Variants in DCLK1 observed in about 807,000 individuals in gnomAD.
DCLK1 encodes the protein doublecortin like kinase 1.
A neutral mutation model predicts 86.2 loss-of-function variants in DCLK1; 16 were observed. That is an observed-to-expected ratio of 0.19 (90% CI 0.13 to 0.28). The LOEUF (loss-of-function observed/expected upper bound fraction) is 0.28. DCLK1 is among the 10% of genes least tolerant of loss of function. DCLK1 has a pLI of 1.00. For synonymous variants in DCLK1, 369 were observed against 370.5 expected, an observed-to-expected ratio of 1.00 and a Z score of 0.05; for missense variants, 590 against 940.2, an observed-to-expected ratio of 0.63 and a Z score of 4.87.
chr13:36,026,920 T>C (rs1011706253), intron 3 of DCLK1, among the ~76,000 whole-genome samples: 1 of 152,172 alleles, frequency 6.6e-6, no homozygotes, highest in Non-Finnish European at 1.5e-5. Flanking sequence ...ACAAGGTATA[T>C]TGATATAGAG....
intron 3 of DCLK1, among the ~76,000 whole-genome samples, chr13:36,022,625 G>T (rs1377114307): frequency 6.6e-6 from 1 of 152,200 alleles, no homozygotes; most frequent in East Asian, 1.9e-4. Context: ...GATTAAAAGG[G>T]AAAACTAACA....
intron 16 of DCLK1, among the ~76,000 whole-genome samples, chr13:35,780,935 A>C (rs1373096721): frequency 6.6e-6 from 1 of 152,250 alleles, no homozygotes; most frequent in Non-Finnish European, 1.5e-5. Context: ...ATTTATTCCC[A>C]TAAAGGATAC....
intron 4 of DCLK1, among the ~76,000 whole-genome samples, chr13:35,935,103 T>C (rs1468422643): frequency 6.6e-6 from 1 of 152,092 alleles, no homozygotes; most frequent in African/African-American, 2.4e-5. Flanking sequence ...AAAAAGAGCA[T>C]TCCACATGAA....
intron 16 of DCLK1, among the ~76,000 whole-genome samples, chr13:35,785,865 A>G (rs573586822): frequency 2.0e-3 from 305 of 152,318 alleles, no homozygotes; most frequent in African/African-American, 7.1e-3. Context: ...ACTCGCAATC[A>G]GTAAGGAGAG....
chr13:35,893,332 TGACATACAAAAAAGAA>T (rs1469302766), intron 4 of DCLK1, among the ~76,000 whole-genome samples: 8 of 152,170 alleles, frequency 5.3e-5, no homozygotes, highest in Non-Finnish European at 8.8e-5. Context: ...ATCCACTGTG[TGACATACAAAAAAGAA>T]TAAAACCCCG....
chr13:36,032,317 A>G (rs975595571), intron 3 of DCLK1, among the ~76,000 whole-genome samples: 8 of 151,432 alleles, frequency 5.3e-5, no homozygotes, highest in Admixed American at 3.3e-4. Flanking sequence ...AATTTTTTGT[A>G]TTTTTAGTAG....
intron 4 of DCLK1, among the ~76,000 whole-genome samples, chr13:35,934,086 A>T (rs1876619775): frequency 6.6e-6 from 1 of 152,120 alleles, no homozygotes; most frequent in South Asian, 2.1e-4. Context: ...CAGGGGGAAA[A>T]TGCTGTCAGT....
chr13:36,006,710 G>A (rs1188388489), intron 3 of DCLK1, among the ~76,000 whole-genome samples: 2 of 152,152 alleles, frequency 1.3e-5, no homozygotes, highest in Non-Finnish European at 2.9e-5. Context: ...CTTCTATTTG[G>A]GGTGGCCTAG....
At chr13:35,847,424 A>T in intron 6 of DCLK1, 2 of 985,180 alleles carry the variant, frequency 2.0e-6, no homozygotes, top group East Asian at 2.3e-4. Flanking sequence ...ACAGATACTT[A>T]CAGAAGCATA....
rs371501596 is a variant in DCLK1 at position 36,030,319 on chromosome 13, G to A, written c.723+81550C>T. 3.3e-5 allele frequency among the ~76,000 whole-genome samples: 5 copies of A among 151,820 alleles called. No individual in the cohort carries two copies. In the South Asian group the frequency reaches 6.2e-4, roughly 19 times the overall value. ...TTCCTCATTTCTTTTTTTTTGAGAC[G>A]GAGTTTTGCTCTTGTTGCCCAGGCT... On this transcript the variant is annotated intron_variant, in intron 3 of 16. Transcript: ENST00000360631.
intron 10 of DCLK1, among the ~76,000 whole-genome samples, chr13:35,823,205 G>T (rs893381375): frequency 6.6e-6 from 1 of 152,122 alleles, no homozygotes; most frequent in Non-Finnish European, 1.5e-5. Flanking sequence ...ACTGTGACAC[G>T]TGAAGATCCC....
At chr13:36,003,560 T>C (rs1880816676) in intron 3 of DCLK1, among the ~76,000 whole-genome samples, 2 of 152,272 alleles carry the variant, frequency 1.3e-5, no homozygotes, top group Admixed American at 1.3e-4. Context: ...GATTTGCTTA[T>C]AAAGGCTGAA....
At chr13:35,805,912 C>CAGGTAAGTGGAG in intron 14 of DCLK1, 133 bp from the exon 15 acceptor site, 3 of 631,576 alleles carry the variant, frequency 4.8e-6, no homozygotes, top group Non-Finnish European at 7.5e-6. Flanking sequence ...ATCAACTCCA[C>CAGGTAAGTGGAG]TTACCTGTGG....
Position 36,001,001 on chromosome 13 carries a change from T to C in DCLK1, c.724-53544A>G, listed in dbSNP as rs141113301. The stretch of plus-strand genomic sequence containing the variant: ...TTCACTTTTGTTGCCCAGGCTGGGG[T>C]GTAATGACGTGGTCTCAACTCACCA... On this transcript the variant is annotated intron_variant, in intron 3 of 16. Coordinates refer to ENST00000360631, the MANE Select transcript of DCLK1 (RefSeq NM_001330071.2). Among the ~76,000 whole-genome samples the C allele has an allele frequency of 6.5e-3, 974 of 150,764 alleles. 7 individuals carry two copies. The highest frequency in any genetic ancestry group is 0.02 in the African/African-American group (801 of 41,002).
chr13:35,942,476 C>G (rs760739971), intron 4 of DCLK1, among the ~76,000 whole-genome samples: 1 of 152,210 alleles, frequency 6.6e-6, no homozygotes, highest in Admixed American at 6.5e-5. Flanking sequence ...AGCCACTGCG[C>G]CTGGCCTCAA....
At chr13:35,999,483 GT>G (rs1272872282) in intron 3 of DCLK1, among the ~76,000 whole-genome samples, 16 of 151,694 alleles carry the variant, frequency 1.1e-4, no homozygotes, top group Admixed American at 1.1e-3. Flanking sequence ...CTCTCTTTTT[GT>G]CTCTCTTCCT....
At chr13:36,031,898 AC>A (rs1338751700) in intron 3 of DCLK1, among the ~76,000 whole-genome samples, 1 of 152,140 alleles carries the variant, frequency 6.6e-6, no homozygotes, top group African/African-American at 2.4e-5. Flanking sequence ...CACCTGATAG[AC>A]GTGAGGTCTC....
chr13:35,889,965 T>G (rs554779628), intron 4 of DCLK1, among the ~76,000 whole-genome samples: 5 of 152,302 alleles, frequency 3.3e-5, no homozygotes, highest in Admixed American at 1.3e-4. Context: ...GCACATTGTA[T>G]GCAAAGAAAC....
chr13:35,864,076 A>G (rs977538941), intron 5 of DCLK1, among the ~76,000 whole-genome samples: 2 of 152,136 alleles, frequency 1.3e-5, no homozygotes, highest in African/African-American at 4.8e-5. Context: ...GGTCCACTAT[A>G]GATTCTCAAT....
Sources: allele counts gnomAD v4.1 joint callset (sites outside exome capture counted in the v4.1 genomes callset), GRCh38; gene constraint gnomAD v4.1.1; transcripts MANE v1.5; gene names NCBI Gene and HGNC (gene_info 2026-07-23, HGNC 2026-07-21).